The following AVEN variants were observed in gnomAD, a reference collection of about 807,000 sequenced individuals.
AVEN encodes the protein apoptosis and caspase activation inhibitor.
In AVEN, 41 loss-of-function variants were observed where a neutral mutation model predicts 38.1. The ratio of observed to expected loss-of-function variants is 1.08; its 90% confidence interval spans 0.84 to 1.40. The LOEUF (loss-of-function observed/expected upper bound fraction) is 1.40, where lower values mean the gene tolerates loss of function less well. Among genes scored for constraint, AVEN ranks in the 40% most tolerant of loss-of-function variants. The pLI, the probability that AVEN is intolerant of heterozygous loss-of-function variation, is 0.00. For synonymous variants in AVEN, 206 were observed against 171.8 expected (o/e 1.20, Z -1.56); for missense variants, 605 against 438.8 (o/e 1.38, Z -3.38).
At chr15:33,882,058 G>T (rs1277075586) in intron 2 of AVEN, among the ~76,000 whole-genome samples, 1 of 152,074 alleles carries the variant, frequency 6.6e-6, no homozygotes, top group Non-Finnish European at 1.5e-5. Flanking sequence ...GTATACCACT[G>T]TCTTCCCTCT....
At chr15:34,040,493 G>A (rs1192035685), upstream of AVEN, among the ~76,000 whole-genome samples, 1 of 152,152 alleles carries the variant, frequency 6.6e-6, no homozygotes, top group Admixed American at 6.5e-5. Context: ...CACTTGTAGA[G>A]CACTTATATG....
chr15:34,019,008 A>G (rs555404749), intron 1 of AVEN, among the ~76,000 whole-genome samples: 216 of 151,858 alleles, frequency 1.4e-3, no homozygotes, highest in African/African-American at 5.1e-3. Flanking sequence ...TGCATCTACA[A>G]TCTAACTAGA....
rs117928788 is a variant in AVEN at position 33,985,099 on chromosome 15, T to C, written c.445+17933A>G. ...CTGTATTTGTTGGTTTCCTCACATC[T>C]ATATCACCTCACAAGAGATATTTGC... On this transcript the variant is annotated intron_variant, in intron 2 of 5. Coordinates refer to ENST00000306730, the MANE Select transcript of AVEN (RefSeq NM_020371.3). Among the ~76,000 whole-genome samples, 855 of 152,212 alleles carry C rather than the reference T, an allele frequency of 5.6e-3. 6 individuals carry two copies. Among genetic ancestry groups the C allele is most frequent in the Non-Finnish European group, 9.1e-3 (617 of 68,008 alleles).
At chr15:33,889,039 A>G (rs1034413253) in intron 2 of AVEN, among the ~76,000 whole-genome samples, 11 of 152,184 alleles carry the variant, frequency 7.2e-5, no homozygotes, top group African/African-American at 2.7e-4. Flanking sequence ...TGCTATTTTC[A>G]TATAACTCAG....
chr15:33,931,116 A>G (rs1243888159), intron 2 of AVEN, among the ~76,000 whole-genome samples: 1 of 151,856 alleles, frequency 6.6e-6, no homozygotes, highest in Non-Finnish European at 1.5e-5. Context: ...TAGAATGACT[A>G]CCAACGATGG....
intron 1 of AVEN, among the ~76,000 whole-genome samples, chr15:34,025,827 A>G (rs1325960816): frequency 6.6e-6 from 1 of 152,018 alleles, no homozygotes; most frequent in African/African-American, 2.4e-5. Context: ...CAGGCACTGG[A>G]CCTGTCCAAA....
rs921287641 is a variant in AVEN at position 33,961,625 on chromosome 15, A to G, written c.445+41407T>C. ...TCAGGAGATCGAGACCATTCTGGCT[A>G]ACACGGTGAAACCCCGTCTCTACTA... On this transcript the variant is annotated intron_variant, in intron 2 of 5. Coordinates refer to ENST00000306730, the MANE Select transcript of AVEN (RefSeq NM_020371.3). Among the ~76,000 whole-genome samples, 64 of 151,632 alleles carry G rather than the reference A, an allele frequency of 4.2e-4. No individual in the cohort carries two copies. In the Middle Eastern group the frequency reaches 0.01, roughly 24 times the overall value.
intron 2 of AVEN, among the ~76,000 whole-genome samples, chr15:34,000,348 C>T (rs1315622131): frequency 6.6e-6 from 1 of 152,188 alleles, no homozygotes; most frequent in East Asian, 1.9e-4. Flanking sequence ...ATAGCTGGAA[C>T]AATGGGTACT....
Position 33,996,147 on chromosome 15 carries a change from A to G in AVEN, c.445+6885T>C, listed in dbSNP as rs142793686. ...GGGGGAGGGGCGTCTGCCATTGCTG[A>G]GACTCGAGTAGGTAAACATTGTGGC... On this transcript the variant is annotated intron_variant, in intron 2 of 5. Transcript: ENST00000306730. 9.9e-3 allele frequency among the ~76,000 whole-genome samples: 1,513 copies of G among 152,338 alleles called. 25 individuals carry two copies. Among genetic ancestry groups the G allele is most frequent in the Admixed American group, 0.045 (688 of 15,308 alleles).
chr15:33,858,230 G>GT (rs1289358022), downstream of AVEN: 1 of 260,100 alleles, frequency 3.8e-6, no homozygotes, highest in Non-Finnish European at 7.4e-6. Flanking sequence ...TTGAGATGGA[G>GT]TTTTGCTTTT....
intron 1 of AVEN, among the ~76,000 whole-genome samples, chr15:34,008,901 C>A (rs892081128): frequency 6.7e-6 from 1 of 150,222 alleles, no homozygotes; most frequent in Non-Finnish European, 1.5e-5. Flanking sequence ...TTCTGCAGAC[C>A]CACTCCATTT....
intron 5 of AVEN, among the ~76,000 whole-genome samples, chr15:34,061,770 T>C (rs1900340988): frequency 6.6e-6 from 1 of 152,118 alleles, no homozygotes. Context: ...CTGGGGCAAA[T>C]GTAAAACCCC....
intron 2 of AVEN, among the ~76,000 whole-genome samples, chr15:33,898,381 C>A (rs1320024665): frequency 6.6e-6 from 1 of 152,198 alleles, no homozygotes; most frequent in African/African-American, 2.4e-5. Context: ...ACAACAGAAA[C>A]TTATTCTCCC....
intron 1 of AVEN, among the ~76,000 whole-genome samples, chr15:34,036,446 T>G (rs1293917696): frequency 4.6e-5 from 7 of 152,162 alleles, no homozygotes; most frequent in African/African-American, 1.7e-4. Flanking sequence ...TTTTTTCCTT[T>G]GATCATTTCG....
chr15:33,920,806 C>T (rs542453185), intron 2 of AVEN, among the ~76,000 whole-genome samples: 3 of 152,162 alleles, frequency 2.0e-5, no homozygotes, highest in Admixed American at 1.3e-4. Context: ...TGCTCTGTTG[C>T]CCAGGCTGGA....
At chr15:34,056,123 C>A (rs1050351318) in intron 5 of AVEN, among the ~76,000 whole-genome samples, 1 of 152,168 alleles carries the variant, frequency 6.6e-6, no homozygotes, top group Admixed American at 6.5e-5. Context: ...TAAGTAACTG[C>A]CGTTTCCCTA....
rs143247282 is a variant in AVEN at position 33,889,477 on chromosome 15, C to T, written c.446-13482G>A. ...TAAAATAATATTAGACTAATTAGGA[C>T]GTCCATAATGTCCCTTGAATACACC... is the stretch of plus-strand genomic sequence containing the variant. On this transcript the variant is annotated intron_variant, in intron 2 of 5. Transcript: ENST00000306730. 6.4e-3 allele frequency among the ~76,000 whole-genome samples: 967 copies of T among 152,204 alleles called. 15 individuals are homozygous for T. The highest frequency in any genetic ancestry group is 0.022 in the African/African-American group (930 of 41,500).
chr15:34,011,772 C>T (rs1190060135), intron 1 of AVEN, among the ~76,000 whole-genome samples: 4 of 152,100 alleles, frequency 2.6e-5, no homozygotes, highest in Admixed American at 6.6e-5. Context: ...GCTTCCAAGT[C>T]GGCTAAAACT....
downstream of AVEN, among the ~76,000 whole-genome samples, chr15:33,861,966 AGTAG>A (rs1470980992): frequency 6.6e-6 from 1 of 152,126 alleles, no homozygotes; most frequent in African/African-American, 2.4e-5. Context: ...CCTGGCACCC[AGTAG>A]GCAACTAATA....
Sources: allele counts gnomAD v4.1 joint callset (sites outside exome capture counted in the v4.1 genomes callset), GRCh38; gene constraint gnomAD v4.1.1; transcripts MANE v1.5; gene names NCBI Gene and HGNC (gene_info 2026-07-23, HGNC 2026-07-21).